The following DNAH3 variants were observed in gnomAD, a reference collection of about 807,000 sequenced individuals.
DNAH3 encodes the protein axonemal beta dynein heavy chain 3.
In DNAH3, 332 loss-of-function variants were observed where a neutral mutation model predicts 432.5. That is an observed-to-expected ratio of 0.77 (90% CI 0.70 to 0.84). The LOEUF (loss-of-function observed/expected upper bound fraction) is 0.84, where lower values mean the gene tolerates loss of function less well. DNAH3 is among the 40% of genes least tolerant of loss of function. DNAH3 has a pLI of 0.00. For missense variants in DNAH3, 4,861 were observed against 5,114.0 expected (o/e 0.95, Z 1.51); for synonymous variants, 1,956 against 1,900.2 (o/e 1.03, Z -0.76).
intron 7 of DNAH3, among the ~76,000 whole-genome samples, chr16:21,128,559 G>C (rs2092487786): frequency 6.6e-6 from 1 of 151,998 alleles, no homozygotes; most frequent in Admixed American, 6.6e-5. Flanking sequence ...GCCGGGTGTG[G>C]TGGCGGGCGC....
rs1474272190 is a variant in DNAH3, at chr16:21,130,103, A to AC, written c.1083-2292_1083-2291insG. 39 of 151,284 alleles carry AC rather than the reference A, an allele frequency of 2.6e-4. 1 individual carries two copies. The highest frequency in any genetic ancestry group is 2.6e-3 in the Admixed American group (39 of 15,152). The allele number at this position is 151,284 out of a possible 1,614,324, so 9.4% of individuals were successfully genotyped here. A position where few individuals can be genotyped will look rare whatever the true frequency, so the allele number is the denominator to read the frequency against. Reference sequence around the variant, plus strand: ...TGACTAAATAAATGAAAAAAAAAAAAAAAAAACAAATGAACTCACAGTTTG... The same window carrying AC: ...TGACTAAATAAATGAAAAAAAAAAAACAAAAAACAAATGAACTCACAGTTTG... On this transcript the variant is annotated intron_variant, in intron 7 of 61. Coordinates refer to ENST00000261383, the Ensembl canonical transcript of DNAH3.
chr16:20,973,498 C>T (rs1165802634), intron 51 of DNAH3, among the ~76,000 whole-genome samples: 3 of 152,146 alleles, frequency 2.0e-5, no homozygotes, highest in Admixed American at 6.5e-5. Context: ...AGTGATCTGC[C>T]CACCTTGGCC....
At chr16:21,040,032 G>C in intron 32 of DNAH3, 89 bp from the exon 33 acceptor site, 2 of 1,087,122 alleles carry the variant, frequency 1.8e-6, no homozygotes, top group Non-Finnish European at 2.8e-6. Context: ...AAGTAGCTTT[G>C]CTTCATTCAG....
chr16:20,967,667 AT>A (rs889913609), intron 52 of DNAH3, among the ~76,000 whole-genome samples: 35 of 145,674 alleles, frequency 2.4e-4, no homozygotes, highest in Admixed American at 4.1e-4. Flanking sequence ...TGCCCAGCTA[AT>A]TTTTTTTTTT....
At chr16:20,936,157 A>T (rs953116106) in intron 60 of DNAH3, among the ~76,000 whole-genome samples, 6 of 135,796 alleles carry the variant, frequency 4.4e-5, no homozygotes, top group African/African-American at 1.4e-4. Flanking sequence ...AGTTTGTGAC[A>T]TTTTTTTTCT....
intron 12 of DNAH3, among the ~76,000 whole-genome samples, chr16:21,114,992 C>G (rs1484278273): frequency 6.6e-6 from 1 of 152,116 alleles, no homozygotes; most frequent in Non-Finnish European, 1.5e-5. Flanking sequence ...GGAACAAACC[C>G]AAATGTCCAT....
chr16:20,975,516 T>C (rs2152648435), intron 50 of DNAH3, 101 bp from the exon 51 acceptor site: 2 of 1,127,376 alleles, frequency 1.8e-6, no homozygotes, highest in African/African-American at 1.6e-5. Context: ...AAGCAGAAAA[T>C]ATGTACTAAT....
chr16:21,052,088 T>A (rs2089978092), intron 28 of DNAH3, among the ~76,000 whole-genome samples: 1 of 151,996 alleles, frequency 6.6e-6, no homozygotes. Context: ...GCCTCCTGGG[T>A]TCAAGCGATT....
At chr16:21,152,943 C>T (rs1263712509) in intron 1 of DNAH3, among the ~76,000 whole-genome samples, 2 of 152,340 alleles carry the variant, frequency 1.3e-5, no homozygotes, top group East Asian at 1.9e-4. Context: ...TGCTCCACGG[C>T]GCCCAGTCCC....
At chr16:21,115,228 A>C (rs2092160712) in intron 12 of DNAH3, among the ~76,000 whole-genome samples, 1 of 151,260 alleles carries the variant, frequency 6.6e-6, no homozygotes, top group Non-Finnish European at 1.5e-5. Flanking sequence ...AACATCACAC[A>C]CCGGGGCCTG....
chr16:21,117,345 G>A lies in DNAH3; in HGVS notation c.1700-28C>T, dbSNP rs2092228541. ...GGGAACAGGACAGATTCCACCTGAA[G>A]AGTAAACACCACTTTTGCATGTTGC... On this transcript the variant is annotated intron_variant, in intron 11 of 61. Transcript: ENST00000261383. 1 of 1,469,032 alleles carries A rather than the reference G, an allele frequency of 6.8e-7. No individual in the cohort carries two copies. The highest frequency in any genetic ancestry group is 9.5e-7 in the Non-Finnish European group (1 of 1,052,196). 91.0% of individuals were successfully genotyped at this position (1,469,032 alleles called of 1,614,324 possible).
chr16:21,027,245 CT>C, intron 37 of DNAH3, 118 bp from the exon 38 acceptor site: 1 of 725,284 alleles, frequency 1.4e-6, no homozygotes. Context: ...TTCTTGAGCA[CT>C]TATGATGTCC....
At chr16:21,006,761 T>C (rs1264657365) in intron 41 of DNAH3, among the ~76,000 whole-genome samples, 3 of 152,140 alleles carry the variant, frequency 2.0e-5, no homozygotes. Flanking sequence ...TCTTGCTCAT[T>C]GCAACCTCAA....
intron 58 of DNAH3, 43 bp downstream of exon 58, chr16:20,944,453 G>C: frequency 1.9e-6 from 3 of 1,608,900 alleles, no homozygotes; most frequent in South Asian, 1.1e-5. Flanking sequence ...ATGAAGAACT[G>C]CCTGGGAAAT....
rs751117538 is a variant in DNAH3, at chr16:21,121,939, C to T, written c.1584+6G>A. On this transcript the variant is annotated splice_donor_region_variant and intron_variant, in intron 10 of 61. Coordinates refer to ENST00000261383, the Ensembl canonical transcript of DNAH3. Reference sequence around the variant, plus strand: ...ATGCAAATGAATGATTAAGTGACTACTATACCTTGGGGATCCCATTAGAGT... The same window carrying T: ...ATGCAAATGAATGATTAAGTGACTATTATACCTTGGGGATCCCATTAGAGT... 6.2e-7 allele frequency: 1 copy of T among 1,604,696 alleles called. No homozygotes were observed. The highest frequency in any genetic ancestry group is 8.5e-7 in the Non-Finnish European group (1 of 1,175,646).
chr16:21,080,600 G>A (rs2091149659), intron 20 of DNAH3, among the ~76,000 whole-genome samples: 1 of 152,326 alleles, frequency 6.6e-6, no homozygotes, highest in East Asian at 1.9e-4. Context: ...CTGACCTGAA[G>A]GATTTGTTAA....
chr16:20,979,457 G>C, exon 50 of DNAH3: 2 of 1,614,120 alleles, frequency 1.2e-6, no homozygotes, highest in Non-Finnish European at 1.7e-6. Flanking sequence ...GGAGGTGGGG[G>C]TAACATAGTT....
At chr16:21,142,367 C>CA (rs1172114483) in intron 3 of DNAH3, among the ~76,000 whole-genome samples, 2 of 151,868 alleles carry the variant, frequency 1.3e-5, no homozygotes, top group African/African-American at 4.8e-5. Flanking sequence ...AACTCCGTCT[C>CA]AAAAAATATA....
rs1374198517 is a variant in DNAH3 at position 21,052,283 on chromosome 16, T to C, written c.4040-415A>G. 1.3e-4 allele frequency among the ~76,000 whole-genome samples: 20 copies of C among 152,308 alleles called. No homozygotes were observed. In the East Asian group the frequency reaches 3.5e-3, roughly 26 times the overall value. ...CTGAGATTACAGGCGTGAGCCACCG[T>C]GCCCAGCCCAAACAATTTTAGATTT... On this transcript the variant is annotated intron_variant, in intron 28 of 61. Transcript: ENST00000261383.
Sources: gnomAD v4.1 joint callset for allele counts (sites outside exome capture counted in the v4.1 genomes callset) on GRCh38, gnomAD v4.1.1 for gene constraint, MANE v1.5 for transcripts, NCBI Gene and HGNC (gene_info 2026-07-23, HGNC 2026-07-21) for gene names.